Variants in MYRIP observed in about 807,000 individuals in gnomAD.
MYRIP encodes the protein rab effector MyRIP.
A neutral mutation model predicts 98.0 loss-of-function variants in MYRIP; 49 were observed. The observed-to-expected ratio is 0.50, with a 90% CI of 0.40 to 0.63. The LOEUF (loss-of-function observed/expected upper bound fraction) is 0.63, where lower values mean the gene tolerates loss of function less well. Among genes scored for constraint, MYRIP ranks in the 30% least tolerant of loss-of-function variants. The pLI is 0.00. For synonymous variants in MYRIP, 404 were observed against 409.5 expected (o/e 0.99, Z 0.16); for missense variants, 1,004 against 1,058.2 (o/e 0.95, Z 0.71).
chr3:40,132,109 T>G (rs1275597750), intron 3 of MYRIP, among the ~76,000 whole-genome samples: 1 of 152,164 alleles, frequency 6.6e-6, no homozygotes, highest in African/African-American at 2.4e-5. Flanking sequence ...AGTTTTCTTC[T>G]GAATGCCTTC....
chr3:40,087,449 T>A (rs575830201), intron 3 of MYRIP, among the ~76,000 whole-genome samples: 1 of 152,230 alleles, frequency 6.6e-6, no homozygotes, highest in African/African-American at 2.4e-5. Context: ...GAATACAAAC[T>A]GAAATGTCTG....
chr3:39,902,371 A>G (rs968403031), intron 2 of MYRIP, among the ~76,000 whole-genome samples: 4 of 152,226 alleles, frequency 2.6e-5, no homozygotes. Flanking sequence ...TGGCAGCGCT[A>G]AGACCAACTT....
chr3:39,904,243 T>TG (rs1216840329), intron 2 of MYRIP, among the ~76,000 whole-genome samples: 1 of 152,014 alleles, frequency 6.6e-6, no homozygotes, highest in Non-Finnish European at 1.5e-5. Flanking sequence ...CTTTGTTTGT[T>TG]GTTTGTTTGT....
At chr3:40,080,359 C>T (rs1030011220) in intron 3 of MYRIP, among the ~76,000 whole-genome samples, 2 of 151,928 alleles carry the variant, frequency 1.3e-5, no homozygotes, top group African/African-American at 4.8e-5. Context: ...TGAGATTGAC[C>T]TATAATTTTC....
chr3:40,044,482 T>C (rs1947626018), intron 3 of MYRIP, among the ~76,000 whole-genome samples: 1 of 152,102 alleles, frequency 6.6e-6, no homozygotes, highest in Non-Finnish European at 1.5e-5. Flanking sequence ...AGCACCTGGG[T>C]GTGAATAGAA....
intron 5 of MYRIP, among the ~76,000 whole-genome samples, chr3:40,165,262 T>G (rs1479884235): frequency 2.0e-5 from 3 of 152,244 alleles, no homozygotes; most frequent in Non-Finnish European, 4.4e-5. Flanking sequence ...AGCTGGCTTG[T>G]GACATACTCA....
At chr3:40,023,060 G>A (rs1298917881) in intron 2 of MYRIP, among the ~76,000 whole-genome samples, 1 of 152,084 alleles carries the variant, frequency 6.6e-6, no homozygotes, top group Non-Finnish European at 1.5e-5. Context: ...TCCTCGATGG[G>A]GGAATATAGA....
intron 9 of MYRIP, among the ~76,000 whole-genome samples, chr3:40,185,297 C>A (rs1951000888): frequency 6.6e-6 from 1 of 152,164 alleles, no homozygotes. Flanking sequence ...GGGTTTCCCC[C>A]AAATGCATTT....
intron 3 of MYRIP, among the ~76,000 whole-genome samples, chr3:40,119,957 C>A (rs1949364844): frequency 6.6e-6 from 1 of 151,230 alleles, no homozygotes; most frequent in Admixed American, 6.6e-5. Context: ...TAAACTAATA[C>A]ACAAAAAGAG....
At chr3:40,089,358 G>T (rs1948696084) in intron 3 of MYRIP, among the ~76,000 whole-genome samples, 1 of 152,174 alleles carries the variant, frequency 6.6e-6, no homozygotes, top group South Asian at 2.1e-4. Flanking sequence ...CTATCCATGA[G>T]GTGTGTGGAG....
intron 2 of MYRIP, among the ~76,000 whole-genome samples, chr3:40,028,896 T>G (rs1171170364): frequency 1.3e-5 from 2 of 152,140 alleles, no homozygotes; most frequent in Non-Finnish European, 2.9e-5. Context: ...CCACTGAGCC[T>G]GAAAAACACC....
intron 3 of MYRIP, among the ~76,000 whole-genome samples, chr3:40,074,507 T>C (rs917479705): frequency 6.6e-6 from 1 of 152,192 alleles, no homozygotes; most frequent in East Asian, 1.9e-4. Context: ...AATTTTATAG[T>C]ATTAAATTTA....
chr3:40,162,698 T>C, intron 4 of MYRIP, 32 bp from the exon 5 acceptor site: 1 of 1,589,254 alleles, frequency 6.3e-7, no homozygotes, highest in Non-Finnish European at 8.6e-7. Context: ...GATAATCATA[T>C]TCATTCTCTT....
chr3:40,063,579 G>A (rs1948064457), intron 3 of MYRIP, among the ~76,000 whole-genome samples: 2 of 152,154 alleles, frequency 1.3e-5, no homozygotes, highest in African/African-American at 4.8e-5. Context: ...TATAATTTTG[G>A]AAGTAGAAAT....
Position 39,957,919 on chromosome 3 carries a change from C to A in MYRIP, c.110+56993C>A, listed in dbSNP as rs540164330. 2.5e-3 allele frequency among the ~76,000 whole-genome samples: 384 copies of A among 152,268 alleles called. 4 individuals are homozygous for A. The highest frequency in any genetic ancestry group is 8.9e-3 in the African/African-American group (370 of 41,544). ...CACAGAGCCAAATCATGAGTGAACT[C>A]CCATTCACAATTACTTCAAAGAGAA... On this transcript the variant is annotated intron_variant, in intron 2 of 16. Coordinates refer to ENST00000302541, the MANE Select transcript of MYRIP (RefSeq NM_015460.4).
At chr3:39,919,924 T>C (rs1026996001) in intron 2 of MYRIP, among the ~76,000 whole-genome samples, 1 of 152,150 alleles carries the variant, frequency 6.6e-6, no homozygotes, top group Admixed American at 6.5e-5. Flanking sequence ...GTTTGTTTTG[T>C]AGCTAGAGTA....
rs529247663 is a variant in MYRIP at position 39,966,488 on chromosome 3, T to C, written c.110+65562T>C. Among the ~76,000 whole-genome samples, 4 of 152,326 alleles carry C rather than the reference T, an allele frequency of 2.6e-5. No individual in the cohort carries two copies. In the South Asian group the frequency reaches 6.2e-4, roughly 24 times the overall value. ...TAGTGAATAGCATAGATATTAGTGT[T>C]CCAGCAGGAAATAGTACACCCAAAT... On this transcript the variant is annotated intron_variant, in intron 2 of 16. Transcript: ENST00000302541.
At chr3:39,974,644 T>A (rs1945697278) in intron 2 of MYRIP, among the ~76,000 whole-genome samples, 1 of 152,050 alleles carries the variant, frequency 6.6e-6, no homozygotes, top group African/African-American at 2.4e-5. Flanking sequence ...GATGCTAAAA[T>A]CCTCAATAAA....
chr3:40,007,971 C>T (rs1202854004), intron 2 of MYRIP, among the ~76,000 whole-genome samples: 1 of 152,232 alleles, frequency 6.6e-6, no homozygotes, highest in Non-Finnish European at 1.5e-5. Context: ...CCAGACCTTT[C>T]TACCCACATA....
Sources: gnomAD v4.1 joint callset for allele counts (sites outside exome capture counted in the v4.1 genomes callset) on GRCh38, gnomAD v4.1.1 for gene constraint, MANE v1.5 for transcripts, NCBI Gene and HGNC (gene_info 2026-07-23, HGNC 2026-07-21) for gene names.